SNX29: variants seen among roughly 807,000 people sequenced by gnomAD.
The protein encoded by SNX29 is sorting nexin 29, also known as sorting nexin-29.
In SNX29, 78 loss-of-function variants were observed where a neutral mutation model predicts 102.1. That is an observed-to-expected ratio of 0.76 (90% CI 0.64 to 0.92). SNX29 has a LOEUF of 0.92. Ranked by LOEUF, SNX29 falls within the 40% of genes least tolerant of loss-of-function variation. SNX29 has a pLI of 0.00. For synonymous variants in SNX29, 580 were observed against 414.5 expected (o/e 1.40, Z -4.85); for missense variants, 1,280 against 1,061.7 (o/e 1.21, Z -2.86).
chr16:12,550,164 T>C (rs554411286), intron 20 of SNX29, among the ~76,000 whole-genome samples: 50 of 152,298 alleles, frequency 3.3e-4, no homozygotes, highest in African/African-American at 5.3e-4. Context: ...TGTAGTGATA[T>C]GGAAAAAATC....
Position 12,568,509 on chromosome 16 carries a change from C to T in SNX29, c.2322C>T (p.Asp774=). ...TLIQLMPFFV[D]ITPPGEPVNS... is the part of the protein sequence containing the mutation. ...GATTCTCTCCCTGCTCTTTCAGCGA[C>T]ATCACCCCGCCCGGAGAGCCTGTGA... The change falls in exon 21 of 21, where the codon GAC becomes GAT. Residue 774 remains aspartate (D), a synonymous_variant. Coordinates refer to ENST00000566228, the MANE Select transcript of SNX29 (RefSeq NM_032167.5). The T allele has an allele frequency of 1.2e-6, 2 of 1,609,906 alleles. No individual in the cohort carries two copies. The highest frequency in any genetic ancestry group is 2.2e-5 in the East Asian group (1 of 44,858).
At chr16:12,371,965 AT>A (rs1382453907) in intron 16 of SNX29, among the ~76,000 whole-genome samples, 1 of 152,022 alleles carries the variant, frequency 6.6e-6, no homozygotes, top group African/African-American at 2.4e-5. Context: ...ATGGTTTAAC[AT>A]TTTTTCTAAG....
chr16:12,299,481 T>G (rs1187812335), intron 15 of SNX29, among the ~76,000 whole-genome samples: 1 of 152,200 alleles, frequency 6.6e-6, no homozygotes, highest in Non-Finnish European at 1.5e-5. Flanking sequence ...GCAAGGAAGC[T>G]GAGGTGTTCT....
In SNX29 at chr16:12,334,027, G is replaced by T. The variant is rs6498276; in HGVS notation, c.1783-22136G>T. Among the ~76,000 whole-genome samples the T allele has an allele frequency of 3.4e-3, 520 of 152,284 alleles. 2 individuals are homozygous for T. Among genetic ancestry groups the T allele is most frequent in the African/African-American group, 0.012 (500 of 41,568 alleles). On this transcript the variant is annotated intron_variant, in intron 15 of 20. Transcript: ENST00000566228. ...GGTGTGTTTGTTAAATATCTGGGATGTTTAATTTTTAGACGGCCTTGTAGG... is the reference window on the plus strand; with the variant it reads ...GGTGTGTTTGTTAAATATCTGGGATTTTTAATTTTTAGACGGCCTTGTAGG...
At chr16:12,055,121 G>T (rs979089292) in intron 8 of SNX29, among the ~76,000 whole-genome samples, 3 of 152,028 alleles carry the variant, frequency 2.0e-5, no homozygotes, top group Admixed American at 2.0e-4. Context: ...CGGACGTTCT[G>T]TGTGTGGATG....
intron 18 of SNX29, among the ~76,000 whole-genome samples, chr16:12,464,713 C>T (rs866618125): frequency 7.2e-5 from 11 of 152,288 alleles, no homozygotes; most frequent in Middle Eastern, 3.4e-3. Context: ...CCTCAGCCTC[C>T]GAAAGAGTTG....
chr16:12,511,809 A>G (rs994860522), intron 19 of SNX29, among the ~76,000 whole-genome samples: 9 of 151,926 alleles, frequency 5.9e-5, no homozygotes, highest in Admixed American at 2.0e-4. Flanking sequence ...CTCGAAAGCA[A>G]TGGGGCTGAG....
intron 18 of SNX29, among the ~76,000 whole-genome samples, chr16:12,460,945 G>A (rs1350376726): frequency 6.6e-6 from 1 of 152,202 alleles, no homozygotes; most frequent in African/African-American, 2.4e-5. Context: ...CCAGCCAAAT[G>A]TGTGAACTTC....
At chr16:12,113,533 T>A (rs1191765996) in intron 11 of SNX29, among the ~76,000 whole-genome samples, 1 of 152,194 alleles carries the variant, frequency 6.6e-6, no homozygotes. Context: ...TTGCAGATTA[T>A]GTGTGAGAGT....
chr16:12,446,311 C>G (rs1216293064), intron 18 of SNX29, among the ~76,000 whole-genome samples: 8 of 152,248 alleles, frequency 5.3e-5, no homozygotes, highest in African/African-American at 1.9e-4. Flanking sequence ...CCGCCTTGGC[C>G]TCCCAAAGTG....
Position 12,367,768 on chromosome 16 carries a change from G to A in SNX29, c.1899+11489G>A, listed in dbSNP as rs114113106. Among the ~76,000 whole-genome samples the A allele has an allele frequency of 8.2e-4, 125 of 152,318 alleles. 1 individual carries two copies. Among genetic ancestry groups the A allele is most frequent in the Middle Eastern group, 6.8e-3 (2 of 294 alleles). ...AACTTCGTGTTCCAAATTATAAGAG[G>A]CTTTTTAACTCAGCGCTTGGACATC... On this transcript the variant is annotated intron_variant, in intron 16 of 20. Coordinates refer to ENST00000566228, the MANE Select transcript of SNX29 (RefSeq NM_032167.5).
chr16:12,019,449 C>T (rs559188403), intron 3 of SNX29, among the ~76,000 whole-genome samples: 1 of 152,088 alleles, frequency 6.6e-6, no homozygotes, highest in South Asian at 2.1e-4. Context: ...TCGTGATCTG[C>T]CCGCCTCGGC....
At chr16:11,980,280 C>G (rs1266293697) in intron 1 of SNX29, among the ~76,000 whole-genome samples, 1 of 152,144 alleles carries the variant, frequency 6.6e-6, no homozygotes, top group Non-Finnish European at 1.5e-5. Context: ...CCTCTCTTAT[C>G]TGGCTTTTTT....
At chr16:11,980,472 C>T (rs545200753) in intron 1 of SNX29, among the ~76,000 whole-genome samples, 8 of 152,238 alleles carry the variant, frequency 5.3e-5, no homozygotes, top group South Asian at 2.1e-4. Context: ...CTGCTATGAA[C>T]GTTCACGCAC....
chr16:12,506,236 C>A (rs1016312858), intron 19 of SNX29, among the ~76,000 whole-genome samples: 9 of 152,188 alleles, frequency 5.9e-5, no homozygotes, highest in Non-Finnish European at 1.3e-4. Context: ...GCTGGGATTA[C>A]AGGCGTGAGC....
intron 17 of SNX29, among the ~76,000 whole-genome samples, chr16:12,401,359 A>ATTTTTTTT (rs35886680): frequency 6.9e-5 from 7 of 101,488 alleles, no homozygotes; most frequent in East Asian, 3.1e-4. Context: ...ATAGAGTTAA[A>ATTTTTTTT]TTTTTTTTTT....
chr16:12,186,359 G>A (rs1016710571), intron 13 of SNX29, among the ~76,000 whole-genome samples: 1 of 152,152 alleles, frequency 6.6e-6, no homozygotes, highest in South Asian at 2.1e-4. Context: ...AGATTTATCT[G>A]TATCTATATC....
chr16:12,387,762 C>T (rs940444999), intron 16 of SNX29, among the ~76,000 whole-genome samples: 4 of 152,024 alleles, frequency 2.6e-5, no homozygotes, highest in South Asian at 2.1e-4. Context: ...AGGTCTTTTC[C>T]GGGAGACCTT....
At chr16:12,558,217 A>G (rs759310768) in intron 20 of SNX29, among the ~76,000 whole-genome samples, 2 of 76,298 alleles carry the variant, frequency 2.6e-5, no homozygotes, top group Non-Finnish European at 5.6e-5. Flanking sequence ...GAACCATCAC[A>G]GAGCCTCTCT....
Sources: allele counts gnomAD v4.1 joint callset (sites outside exome capture counted in the v4.1 genomes callset), GRCh38; gene constraint gnomAD v4.1.1; transcripts MANE v1.5; gene names NCBI Gene and HGNC (gene_info 2026-07-23, HGNC 2026-07-21).